INVS: variants seen among roughly 807,000 people sequenced by gnomAD.
INVS encodes inversin.
Under a neutral mutation model 108.8 loss-of-function variants are expected in INVS, and 86 were observed. That is an observed-to-expected ratio of 0.79 (90% CI 0.66 to 0.95). The LOEUF (loss-of-function observed/expected upper bound fraction) is 0.95, where lower values mean the gene tolerates loss of function less well. Ranked by LOEUF, INVS falls within the 40% of genes least tolerant of loss-of-function variation. The pLI is 0.00. For missense variants in INVS, 1,169 were observed against 1,297.4 expected (o/e 0.90, Z 1.52); for synonymous variants, 455 against 473.5 (o/e 0.96, Z 0.51).
intron 12 of INVS, among the ~76,000 whole-genome samples, chr9:100,277,290 T>G (rs746476647): frequency 6.6e-6 from 1 of 152,246 alleles, no homozygotes; most frequent in Non-Finnish European, 1.5e-5. Flanking sequence ...CCATTGCTAC[T>G]GCTCATCTCC....
chr9:100,153,005 TTG>T (rs60860854), intron 3 of INVS, among the ~76,000 whole-genome samples: 29,943 of 148,964 alleles, frequency 0.2, 3,360 homozygotes, highest in Non-Finnish European at 0.27. Context: ...TGTTAACTAA[TTG>T]TGTGTGTGTG....
chr9:100,102,195 T>G (rs1357546264), intron 1 of INVS, among the ~76,000 whole-genome samples: 3 of 152,046 alleles, frequency 2.0e-5, no homozygotes, highest in Non-Finnish European at 4.4e-5. Context: ...CCTCCCAAAT[T>G]CAAGCAATTC....
At chr9:100,243,680 TA>T (rs1831952582) in intron 7 of INVS, among the ~76,000 whole-genome samples, 1 of 152,010 alleles carries the variant, frequency 6.6e-6, no homozygotes, top group Non-Finnish European at 1.5e-5. Flanking sequence ...TCTACATGGG[TA>T]TGCATAGTGA....
chr9:100,261,533 C>T (rs542350137), intron 10 of INVS, among the ~76,000 whole-genome samples: 10 of 152,178 alleles, frequency 6.6e-5, no homozygotes, highest in African/African-American at 2.4e-4. Context: ...TCCCAAAGTG[C>T]TGGGATTACA....
chr9:100,134,448 G>A (rs1828159562), intron 3 of INVS, among the ~76,000 whole-genome samples: 1 of 152,242 alleles, frequency 6.6e-6, no homozygotes, highest in East Asian at 1.9e-4. Flanking sequence ...CTTTTCCTCT[G>A]GGTAGATACC....
intron 2 of INVS, among the ~76,000 whole-genome samples, chr9:100,115,338 G>T (rs529047486): frequency 6.6e-6 from 1 of 150,880 alleles, no homozygotes; most frequent in East Asian, 1.9e-4. Flanking sequence ...AAGTTCTAGG[G>T]TACATGTGCA....
At chr9:100,287,756 G>A (rs1488842180) in intron 13 of INVS, among the ~76,000 whole-genome samples, 2 of 152,218 alleles carry the variant, frequency 1.3e-5, no homozygotes, top group African/African-American at 4.8e-5. Flanking sequence ...CTGTGGAACT[G>A]TGAGTCGATT....
At position 100,100,862 on chromosome 9, in the gene INVS, A is replaced by ATATAATATATG. The variant is rs1826901958; in HGVS notation, c.-25+1450_-25+1451insATATATGTATA. On this transcript the variant is annotated intron_variant, in intron 1 of 16. Coordinates refer to ENST00000262457, the MANE Select transcript of INVS (RefSeq NM_014425.5). The stretch of plus-strand genomic sequence containing the variant: ...TATATATATAATATATGTATATATA[A>ATATAATATATG]TATATATATTATATATGTATATATA... Among the ~76,000 whole-genome samples the ATATAATATATG allele has an allele frequency of 3.7e-4, 3 of 8,184 alleles. No homozygotes were observed. In the South Asian group the frequency reaches 9.7e-3, roughly 26 times the overall value. 5.4% of individuals were successfully genotyped at this position (8,184 alleles called of 152,430 possible).
chr9:100,189,913 A>C (rs1396807759), intron 3 of INVS, among the ~76,000 whole-genome samples: 1 of 151,786 alleles, frequency 6.6e-6, no homozygotes, highest in African/African-American at 2.4e-5. Context: ...AATTTTCTGT[A>C]TTGGTTAGGT....
chr9:100,151,835 C>T (rs1175778144), intron 3 of INVS, among the ~76,000 whole-genome samples: 3 of 152,114 alleles, frequency 2.0e-5, no homozygotes, highest in Non-Finnish European at 4.4e-5. Context: ...AATGTGATAC[C>T]TACAACAGAA....
chr9:100,101,026 T>A (rs1338373298), intron 1 of INVS, among the ~76,000 whole-genome samples: 2 of 103,452 alleles, frequency 1.9e-5, no homozygotes, highest in Non-Finnish European at 3.7e-5. Context: ...GTATATATAT[T>A]ATATATATTA....
intron 6 of INVS, among the ~76,000 whole-genome samples, chr9:100,241,085 T>C (rs968451852): frequency 1.3e-5 from 2 of 152,162 alleles, no homozygotes; most frequent in African/African-American, 4.8e-5. Context: ...CTTGTTAATG[T>C]AATCTGAGAT....
At chr9:100,204,876 A>C (rs147092220) in intron 3 of INVS, among the ~76,000 whole-genome samples, 4 of 152,122 alleles carry the variant, frequency 2.6e-5, no homozygotes, top group African/African-American at 9.7e-5. Context: ...GCTATGTCAT[A>C]TTTTAATATC....
intron 8 of INVS, among the ~76,000 whole-genome samples, chr9:100,249,983 T>TA (rs1832175631): frequency 6.6e-6 from 1 of 151,772 alleles, no homozygotes; most frequent in South Asian, 2.1e-4. Flanking sequence ...TACACGCCTA[T>TA]AATCCCAGCT....
At chr9:100,290,926 G>A (rs868098628) in intron 13 of INVS, among the ~76,000 whole-genome samples, 8 of 152,108 alleles carry the variant, frequency 5.3e-5, no homozygotes, top group Middle Eastern at 6.8e-3. Flanking sequence ...ATGTTGTCCC[G>A]GCTTGTCTCA....
intron 3 of INVS, among the ~76,000 whole-genome samples, chr9:100,196,079 T>G (rs1159343275): frequency 6.6e-6 from 1 of 152,178 alleles, no homozygotes; most frequent in Non-Finnish European, 1.5e-5. Context: ...TTTCTTAACT[T>G]TTTTGTAGAA....
chr9:100,237,848 C>A (rs190291122), intron 5 of INVS, among the ~76,000 whole-genome samples: 1 of 151,206 alleles, frequency 6.6e-6, no homozygotes, highest in African/African-American at 2.4e-5. Context: ...ATAGATCTTT[C>A]GGTGGTCAAC....
At chr9:100,111,423 T>C (rs555563479) in intron 2 of INVS, among the ~76,000 whole-genome samples, 7 of 152,240 alleles carry the variant, frequency 4.6e-5, no homozygotes, top group Non-Finnish European at 1.0e-4. Context: ...GGTAGAGCAG[T>C]GGCTTTCCAG....
chr9:100,178,782 C>A (rs1222432200), intron 3 of INVS, among the ~76,000 whole-genome samples: 1 of 152,126 alleles, frequency 6.6e-6, no homozygotes, highest in African/African-American at 2.4e-5. Context: ...TCAGGAAATA[C>A]TGAGAACACC....
Sources: gnomAD v4.1 joint callset for allele counts (sites outside exome capture counted in the v4.1 genomes callset) on GRCh38, gnomAD v4.1.1 for gene constraint, MANE v1.5 for transcripts, NCBI Gene and HGNC (gene_info 2026-07-23, HGNC 2026-07-21) for gene names.